The following CFAP299 variants were observed in gnomAD, a reference collection of about 807,000 sequenced individuals.
The protein encoded by CFAP299 is cilia- and flagella-associated protein 299.
CFAP299 carries 21 observed loss-of-function variants against 27.0 expected under a neutral mutation model. The observed-to-expected ratio is 0.78, with a 90% CI of 0.55 to 1.12. The LOEUF (loss-of-function observed/expected upper bound fraction) is 1.12. Among genes scored for constraint, CFAP299 ranks in the 50% most tolerant of loss-of-function variants. CFAP299 has a pLI of 0.00. For synonymous variants in CFAP299, 104 were observed against 98.1 expected, an observed-to-expected ratio of 1.06 and a Z score of -0.36; for missense variants, 310 against 276.6, an observed-to-expected ratio of 1.12 and a Z score of -0.86.
chr4:80,422,152 T>G (rs1043677780), intron 2 of CFAP299, among the ~76,000 whole-genome samples: 2 of 152,182 alleles, frequency 1.3e-5, no homozygotes, highest in African/African-American at 4.8e-5. Context: ...GTTTAATGTC[T>G]GCAGACATGA....
chr4:80,861,307 G>A (rs533541257), intron 3 of CFAP299, among the ~76,000 whole-genome samples: 58 of 152,272 alleles, frequency 3.8e-4, no homozygotes, highest in African/African-American at 1.3e-3. Context: ...TCCAGGTGCT[G>A]TCTGTCACCC....
Position 80,851,205 on chromosome 4 carries a change from A to T in CFAP299, c.334-18788A>T, listed in dbSNP as rs563214931. On this transcript the variant is annotated intron_variant, in intron 3 of 5. Transcript: ENST00000358105. ...TGTTCAAGAAAATAATGTCTGGCCA[A>T]GCTAAGGAGCATCTATATAAAGAGG... Among the ~76,000 whole-genome samples the T allele has an allele frequency of 6.6e-5, 10 of 152,288 alleles. No individual in the cohort carries two copies. In the South Asian group the frequency reaches 1.9e-3, roughly 28 times the overall value.
In CFAP299 at chr4:80,476,684, G is replaced by A. The variant is rs145175947; in HGVS notation, c.243-106409G>A. Among the ~76,000 whole-genome samples, 24 of 152,182 alleles carry A rather than the reference G, an allele frequency of 1.6e-4. No homozygotes were observed. The East Asian group carries it at 4.3e-3, about 27-fold the overall frequency. ...CTCATTGTGTTCTTCATCATTATTT[G>A]TGTCAGTTATACAGAAACTCAGCAT... On this transcript the variant is annotated intron_variant, in intron 2 of 5. Coordinates refer to ENST00000358105, the MANE Select transcript of CFAP299 (RefSeq NM_152770.3).
At chr4:80,817,231 T>G (rs1729466306) in intron 3 of CFAP299, among the ~76,000 whole-genome samples, 1 of 152,062 alleles carries the variant, frequency 6.6e-6, no homozygotes. Flanking sequence ...GTTGAGCCAT[T>G]TATTGCAACT....
intron 2 of CFAP299, among the ~76,000 whole-genome samples, chr4:80,382,255 T>G (rs945431138): frequency 6.6e-6 from 1 of 152,290 alleles, no homozygotes; most frequent in East Asian, 1.9e-4. Flanking sequence ...TGGGCAAATA[T>G]TTCATGATGA....
chr4:80,847,197 A>C (rs987994018), intron 3 of CFAP299, among the ~76,000 whole-genome samples: 1 of 151,936 alleles, frequency 6.6e-6, no homozygotes, highest in Admixed American at 6.6e-5. Flanking sequence ...TTCCTTCTCC[A>C]CCCTGCTCTA....
chr4:80,577,587 G>C (rs1735937182), intron 2 of CFAP299, among the ~76,000 whole-genome samples: 1 of 151,826 alleles, frequency 6.6e-6, no homozygotes, highest in African/African-American at 2.4e-5. Flanking sequence ...ATTTTTAGTA[G>C]AGACAGGGTT....
In CFAP299 at chr4:80,343,678, A is replaced by G. The variant is rs1347873561; in HGVS notation, c.111+7799A>G. Among the ~76,000 whole-genome samples, 5 of 151,640 alleles carry G rather than the reference A, an allele frequency of 3.3e-5. No homozygotes were observed. In the East Asian group the frequency reaches 5.8e-4, roughly 18 times the overall value. ...GTGGCGGGCGCCTGTAGTCCCAGCT[A>G]CTCGGGAGGCTGAGGCAGGAGAATG... is the stretch of plus-strand genomic sequence containing the variant. On this transcript the variant is annotated intron_variant, in intron 1 of 5. Coordinates refer to ENST00000358105, the MANE Select transcript of CFAP299 (RefSeq NM_152770.3).
At chr4:80,716,015 C>A (rs1235223374) in intron 3 of CFAP299, among the ~76,000 whole-genome samples, 3 of 151,872 alleles carry the variant, frequency 2.0e-5, no homozygotes, top group Non-Finnish European at 2.9e-5. Flanking sequence ...ATGTCTAAAT[C>A]TGAAAAAAAT....
chr4:80,810,544 A>G (rs1729096710), intron 3 of CFAP299, among the ~76,000 whole-genome samples: 1 of 152,142 alleles, frequency 6.6e-6, no homozygotes, highest in African/African-American at 2.4e-5. Context: ...GACACAGAGA[A>G]GAATGCAACG....
chr4:80,651,956 G>A (rs1033554535), intron 3 of CFAP299, among the ~76,000 whole-genome samples: 2 of 152,058 alleles, frequency 1.3e-5, no homozygotes, highest in Non-Finnish European at 2.9e-5. Flanking sequence ...TTTTCCAAAT[G>A]AGGATATTAC....
At chr4:80,849,364 A>G (rs1452805561) in intron 3 of CFAP299, among the ~76,000 whole-genome samples, 4 of 152,096 alleles carry the variant, frequency 2.6e-5, no homozygotes, top group Non-Finnish European at 4.4e-5. Context: ...GGGTACATGG[A>G]TGTATTTTTA....
chr4:80,956,581 G>A (rs1041027186), intron 5 of CFAP299, among the ~76,000 whole-genome samples: 7 of 151,784 alleles, frequency 4.6e-5, no homozygotes, highest in African/African-American at 7.2e-5. Flanking sequence ...AGCCTCTGGC[G>A]TAGCTGGGAC....
At chr4:80,508,211 G>A (rs749319424) in intron 2 of CFAP299, among the ~76,000 whole-genome samples, 2 of 152,106 alleles carry the variant, frequency 1.3e-5, no homozygotes, top group African/African-American at 2.4e-5. Context: ...AAATTTTAAT[G>A]TCTAAATAAA....
intron 3 of CFAP299, among the ~76,000 whole-genome samples, chr4:80,862,778 A>T (rs1287272058): frequency 1.3e-5 from 2 of 152,058 alleles, no homozygotes. Flanking sequence ...TGTGAATTGT[A>T]TGAATAGTGA....
intron 3 of CFAP299, among the ~76,000 whole-genome samples, chr4:80,864,430 G>GTATATATA (rs34724841): frequency 2.2e-5 from 3 of 133,584 alleles, no homozygotes; most frequent in Non-Finnish European, 4.9e-5. Context: ...ATATATATAG[G>GTATATATA]TATATATATA....
intron 2 of CFAP299, among the ~76,000 whole-genome samples, chr4:80,484,462 A>G (rs995908980): frequency 2.6e-5 from 4 of 152,134 alleles, no homozygotes; most frequent in African/African-American, 7.2e-5. Context: ...GCTATATCTT[A>G]TCCATCCTTT....
chr4:80,950,995 C>T (rs540230338), intron 5 of CFAP299, among the ~76,000 whole-genome samples: 1 of 152,238 alleles, frequency 6.6e-6, no homozygotes, highest in Non-Finnish European at 1.5e-5. Context: ...ATCAAAATTT[C>T]TAAGTATGAA....
chr4:80,401,447 G>A (rs1037130191), intron 2 of CFAP299, among the ~76,000 whole-genome samples: 1 of 152,174 alleles, frequency 6.6e-6, no homozygotes, highest in Non-Finnish European at 1.5e-5. Flanking sequence ...GGCTGAAAGG[G>A]GCCAATGTAC....
Sources: gnomAD v4.1 joint callset for allele counts (sites outside exome capture counted in the v4.1 genomes callset) on GRCh38, gnomAD v4.1.1 for gene constraint, MANE v1.5 for transcripts, NCBI Gene and HGNC (gene_info 2026-07-23, HGNC 2026-07-21) for gene names.